ECI2: variants seen among roughly 807,000 people sequenced by gnomAD.
ECI2 encodes the protein D3,D2-enoyl-CoA isomerase.
ECI2 carries 27 observed loss-of-function variants against 38.4 expected under a neutral mutation model. The observed-to-expected ratio is 0.70, with a 90% confidence interval of 0.52 to 0.97. The LOEUF (loss-of-function observed/expected upper bound fraction) is 0.97, where lower values mean the gene tolerates loss of function less well. Among genes scored for constraint, ECI2 ranks in the 50% least tolerant of loss-of-function variants. ECI2 has a pLI of 0.00. For missense variants in ECI2, 470 were observed against 474.4 expected, an observed-to-expected ratio of 0.99 and a Z score of 0.09; for synonymous variants, 168 against 172.0, an observed-to-expected ratio of 0.98 and a Z score of 0.18.
chr6:4,124,912 C>T, intron 7 of ECI2: 1 of 428,930 alleles, frequency 2.3e-6, no homozygotes, highest in South Asian at 1.7e-5. Flanking sequence ...TAATCCCTTG[C>T]ACAACCTGCA....
At chr6:4,121,693 GT>G (rs3838251) in intron 7 of ECI2, among the ~76,000 whole-genome samples, 35,099 of 139,114 alleles carry the variant, frequency 0.25, 4,315 homozygotes, top group Middle Eastern at 0.32. Flanking sequence ...GTCATTTTTA[GT>G]TTTTTTTTTT....
In ECI2 at chr6:4,117,408, T is replaced by A. The variant is rs139209867; in HGVS notation, c.929A>T (p.Glu310Val). Residue 310 changes from glutamate (E) to valine (V), a missense_variant, in exon 9 of 10, where the codon GAG (glutamate) becomes GTG (valine). Transcript: ENST00000380118. ...AGTAACAAGTCCTTGAGCACATGCC[T>A]CTCCCGCTGTTAACTTCTTTCCAAA... ...LIFGKKLTAG[E>V]ACAQGLVTEV... 1 of 1,613,846 alleles carries A rather than the reference T, an allele frequency of 6.2e-7. No individual in the cohort carries two copies. The highest frequency in any genetic ancestry group is 8.5e-7 in the Non-Finnish European group (1 of 1,179,952).
intron 7 of ECI2, among the ~76,000 whole-genome samples, chr6:4,123,440 T>A (rs1202946216): frequency 6.6e-6 from 1 of 151,864 alleles, no homozygotes; most frequent in Non-Finnish European, 1.5e-5. Context: ...ATTTCCTTTA[T>A]TTTAAATGAT....
At chr6:4,119,383 C>T (rs528187938) in intron 7 of ECI2, 108 bp from the exon 8 acceptor site, 13 of 770,800 alleles carry the variant, frequency 1.7e-5, no homozygotes, top group African/African-American at 7.2e-5. Flanking sequence ...TGAAGTGGCG[C>T]GATCTCGGCT....
intron 2 of ECI2, among the ~76,000 whole-genome samples, chr6:4,131,937 T>G (rs1350591050): frequency 6.6e-6 from 1 of 151,896 alleles, no homozygotes; most frequent in African/African-American, 2.4e-5. Context: ...TAGACAGAGA[T>G]AGTGTCATCT....
At chr6:4,120,434 T>C (rs964655362) in intron 7 of ECI2, among the ~76,000 whole-genome samples, 29 of 151,990 alleles carry the variant, frequency 1.9e-4, no homozygotes, top group African/African-American at 7.0e-4. Flanking sequence ...ATATCAAACA[T>C]AGAAAAGGTA....
chr6:4,124,832 A>G (rs1476521603), intron 7 of ECI2: 1 of 277,618 alleles, frequency 3.6e-6, no homozygotes, highest in Non-Finnish European at 7.4e-6. Context: ...AGGGAGTGAC[A>G]GTAGATAATG....
At position 4,115,723 on chromosome 6, in the gene ECI2, T is replaced by G; in HGVS notation, c.*151A>C. On this transcript the variant is annotated 3_prime_UTR_variant, in exon 10 of 10. Transcript: ENST00000380118. Reference sequence around the variant, plus strand: ...TCTTAAGCTTGTTTTACAAAACTTTTTATTCATCAGAGCTGTAGTGAAATA... The same window carrying G: ...TCTTAAGCTTGTTTTACAAAACTTTGTATTCATCAGAGCTGTAGTGAAATA... 2 of 1,271,314 alleles carry G rather than the reference T, an allele frequency of 1.6e-6. No homozygotes were observed. The highest frequency in any genetic ancestry group is 1.9e-4 in the Middle Eastern group (1 of 5,350). 78.8% of individuals were successfully genotyped at this position (1,271,314 alleles called of 1,614,324 possible).
At chr6:4,135,485 C>G (rs1469659153) in intron 1 of ECI2, 26 bp downstream of exon 1, 3 of 1,612,026 alleles carry the variant, frequency 1.9e-6, no homozygotes, top group Non-Finnish European at 2.5e-6. Flanking sequence ...CGACCATGGG[C>G]CGAACGGCCG....
chr6:4,125,954 C>G (rs1366141459), intron 6 of ECI2, 181 bp downstream of exon 6: 3 of 686,834 alleles, frequency 4.4e-6, no homozygotes, highest in Non-Finnish European at 8.0e-6. Context: ...TAACAGAGGT[C>G]AAAGAGAAAG....
chr6:4,116,105 C>T (rs1468355756), intron 9 of ECI2, 76 bp from the exon 10 acceptor site: 2 of 1,518,824 alleles, frequency 1.3e-6, no homozygotes, highest in Middle Eastern at 1.8e-4. Context: ...AATCCCAGCA[C>T]TTGGGGAGGC....
intron 2 of ECI2, among the ~76,000 whole-genome samples, chr6:4,132,112 C>T (rs893207834): frequency 5.9e-5 from 9 of 152,202 alleles, no homozygotes; most frequent in African/African-American, 2.2e-4. Flanking sequence ...CCAGAACTCA[C>T]TGCAAGCTGT....
At chr6:4,124,209 G>C (rs1772995881) in intron 7 of ECI2, among the ~76,000 whole-genome samples, 1 of 152,146 alleles carries the variant, frequency 6.6e-6, no homozygotes, top group Non-Finnish European at 1.5e-5. Context: ...ACCTACAAAG[G>C]CTGGGCAGCC....
At chr6:4,124,682 T>G (rs1773026440) in intron 7 of ECI2, among the ~76,000 whole-genome samples, 1 of 152,200 alleles carries the variant, frequency 6.6e-6, no homozygotes, top group African/African-American at 2.4e-5. Context: ...TTTCAAAATT[T>G]TATTTTCCAC....
rs753460406 is a variant in ECI2 at position 4,125,029 on chromosome 6, C to G, written c.795+221G>C. ...TGTGGAATTTGATTAGAATCCGGAA[C>G]AGTCAGAGTTGGAACAATGTTCACA... On this transcript the variant is annotated intron_variant, in intron 7 of 9. Transcript: ENST00000380118. The G allele has an allele frequency of 4.5e-5, 32 of 706,474 alleles. No homozygotes were observed. The Middle Eastern group carries it at 9.6e-4, about 21-fold the overall frequency. The allele number at this position is 706,474 out of a possible 1,614,324, so 43.8% of individuals were successfully genotyped here. A position where few individuals can be genotyped will look rare whatever the true frequency, so the allele number is the denominator to read the frequency against.
intron 4 of ECI2, among the ~76,000 whole-genome samples, chr6:4,129,015 A>G (rs1414967767): frequency 6.6e-6 from 1 of 152,170 alleles, no homozygotes; most frequent in Non-Finnish European, 1.5e-5. Context: ...TGAGACCAGG[A>G]TTAGGAGATG....
At chr6:4,133,791 T>G in intron 1 of ECI2, 80 bp from the exon 2 acceptor site, 2 of 1,455,926 alleles carry the variant, frequency 1.4e-6, no homozygotes, top group Non-Finnish European at 9.1e-7. Context: ...TCCCAGCCTA[T>G]ACATAACAAA....
At chr6:4,119,299 A>C in intron 7 of ECI2, 24 bp from the exon 8 acceptor site, 2 of 1,544,354 alleles carry the variant, frequency 1.3e-6, no homozygotes, top group African/African-American at 1.4e-5. Context: ...AGAGAAAAGA[A>C]AACCATCTTT....
rs1300452205 is a variant in ECI2 at position 4,115,750 on chromosome 6, C to T, written c.*124G>A. ...ATTCATCAGAGCTGTAGTGAAATAT[C>T]ATCATTGTAATTGATATTCTAGCAC... On this transcript the variant is annotated 3_prime_UTR_variant, in exon 10 of 10. Transcript: ENST00000380118. The T allele has an allele frequency of 1.4e-5, 19 of 1,371,060 alleles. No individual in the cohort carries two copies. The allele number at this position is 1,371,060 out of a possible 1,614,324, so 84.9% of individuals were successfully genotyped here. A position where few individuals can be genotyped will look rare whatever the true frequency, so the allele number is the denominator to read the frequency against.
Sources: allele counts gnomAD v4.1 joint callset (sites outside exome capture counted in the v4.1 genomes callset), GRCh38; gene constraint gnomAD v4.1.1; transcripts MANE v1.5; gene names NCBI Gene and HGNC (gene_info 2026-07-23, HGNC 2026-07-21).